Variants in ST3GAL3 observed in about 807,000 individuals in gnomAD.
The protein encoded by ST3GAL3 is ST3 beta-galactoside alpha-2,3-sialyltransferase 3, also known as CMP-N-acetylneuraminate-beta-1,4-galactoside alpha-2,3-sialyltransferase.
Under a neutral mutation model 50.1 loss-of-function variants are expected in ST3GAL3, and 21 were observed. That is an observed-to-expected ratio of 0.42 (90% CI 0.30 to 0.60). The LOEUF is 0.60. Among genes scored for constraint, ST3GAL3 ranks in the 20% least tolerant of loss-of-function variants. ST3GAL3 has a pLI of 0.19. For missense variants in ST3GAL3, 353 were observed against 489.4 expected (o/e 0.72, Z 2.63); for synonymous variants, 183 against 190.0 (o/e 0.96, Z 0.30).
At chr1:43,857,547 C>T (rs2068717876) in intron 5 of ST3GAL3, among the ~76,000 whole-genome samples, 1 of 131,612 alleles carries the variant, frequency 7.6e-6, no homozygotes, top group Non-Finnish European at 1.7e-5. Context: ...CCCTCCCTCC[C>T]TTCCTTCCTT....
At chr1:43,848,132 T>C (rs1415721584) in intron 5 of ST3GAL3, among the ~76,000 whole-genome samples, 4 of 152,276 alleles carry the variant, frequency 2.6e-5, no homozygotes, top group Non-Finnish European at 5.9e-5. Context: ...CTTAAATATG[T>C]AACTCTATTT....
At chr1:43,734,678 T>A (rs1677591421) in intron 1 of ST3GAL3, among the ~76,000 whole-genome samples, 1 of 152,182 alleles carries the variant, frequency 6.6e-6, no homozygotes, top group Admixed American at 6.6e-5. Context: ...TGTAAATTAA[T>A]CTTATAATCA....
At chr1:43,888,996 T>G (rs1020189460) in intron 5 of ST3GAL3, among the ~76,000 whole-genome samples, 1 of 152,180 alleles carries the variant, frequency 6.6e-6, no homozygotes, top group Non-Finnish European at 1.5e-5. Flanking sequence ...TAACCACTAC[T>G]AGTAGCACCT....
At chr1:43,924,655 A>C (rs2083595565) in intron 11 of ST3GAL3, among the ~76,000 whole-genome samples, 1 of 152,028 alleles carries the variant, frequency 6.6e-6, no homozygotes. Context: ...AGAGATGGTA[A>C]CTCCTGAACC....
chr1:43,770,591 C>T (rs1245730800), intron 2 of ST3GAL3, among the ~76,000 whole-genome samples: 1 of 151,906 alleles, frequency 6.6e-6, no homozygotes, highest in African/African-American at 2.4e-5. Context: ...GATGGAGTCT[C>T]AGTATATTGC....
intron 2 of ST3GAL3, chr1:43,736,921 C>T (rs144313023): frequency 9.1e-5 from 20 of 220,160 alleles, no homozygotes; most frequent in African/African-American, 4.5e-4. Context: ...CCCAGTAACT[C>T]CTAATTTTTT....
chr1:43,732,673 C>G (rs760261409), intron 1 of ST3GAL3, among the ~76,000 whole-genome samples: 3 of 152,110 alleles, frequency 2.0e-5, no homozygotes, highest in Non-Finnish European at 4.4e-5. Context: ...GGAGACTTAC[C>G]ATAATTTAAT....
intron 1 of ST3GAL3, among the ~76,000 whole-genome samples, chr1:43,725,378 T>G (rs1672454678): frequency 6.6e-6 from 1 of 152,044 alleles, no homozygotes. Flanking sequence ...TAATTTTGTA[T>G]TTTTAGTGGA....
chr1:43,827,201 C>T (rs1573757691), intron 4 of ST3GAL3, among the ~76,000 whole-genome samples: 1 of 152,114 alleles, frequency 6.6e-6, no homozygotes, highest in South Asian at 2.1e-4. Context: ...TTGGCAAAAA[C>T]ATTCTGGAAC....
intron 1 of ST3GAL3, among the ~76,000 whole-genome samples, chr1:43,714,789 C>T (rs182323230): frequency 6.6e-6 from 1 of 152,272 alleles, no homozygotes; most frequent in Admixed American, 6.5e-5. Context: ...TGAAATTTTG[C>T]TCCTCCTCAG....
intron 9 of ST3GAL3, among the ~76,000 whole-genome samples, chr1:43,917,661 AAT>A: frequency 1.9e-5 from 1 of 53,410 alleles, no homozygotes; most frequent in South Asian, 4.3e-4. Context: ...TATAATATAT[AAT>A]ATATATTATA....
At chr1:43,865,441 A>C (rs1223477479) in intron 5 of ST3GAL3, among the ~76,000 whole-genome samples, 1 of 152,146 alleles carries the variant, frequency 6.6e-6, no homozygotes, top group African/African-American at 2.4e-5. Flanking sequence ...AAACTTCTCA[A>C]CTTGAAACCT....
chr1:43,786,353 T>G (rs1381556070), intron 2 of ST3GAL3, among the ~76,000 whole-genome samples: 5 of 152,196 alleles, frequency 3.3e-5, no homozygotes, highest in Admixed American at 2.0e-4. Flanking sequence ...CTCTCTGACC[T>G]CGTTTTCCCA....
At chr1:43,826,902 T>C (rs899873526) in intron 4 of ST3GAL3, among the ~76,000 whole-genome samples, 1 of 152,212 alleles carries the variant, frequency 6.6e-6, no homozygotes, top group Non-Finnish European at 1.5e-5. Flanking sequence ...TACCTATTCA[T>C]GATTTTTAAA....
intron 4 of ST3GAL3, among the ~76,000 whole-genome samples, chr1:43,837,439 C>G (rs552854555): frequency 1.7e-4 from 26 of 152,204 alleles, no homozygotes; most frequent in Non-Finnish European, 2.2e-4. Flanking sequence ...GGTCACTGTT[C>G]GGGACAGTTC....
chr1:43,857,578 TCCTC>T (rs759847727), intron 5 of ST3GAL3, among the ~76,000 whole-genome samples: 1,695 of 91,000 alleles, frequency 0.019, 141 homozygotes, highest in African/African-American at 0.052. Flanking sequence ...TTTCTTTCCT[TCCTC>T]CCTCCCTTCC....
intron 9 of ST3GAL3, among the ~76,000 whole-genome samples, chr1:43,900,302 T>C (rs1470461615): frequency 6.6e-6 from 1 of 152,216 alleles, no homozygotes; most frequent in African/African-American, 2.4e-5. Flanking sequence ...CACTGACTTA[T>C]AGTTGAATTC....
chr1:43,878,187 T>C (rs1177975807), intron 5 of ST3GAL3, among the ~76,000 whole-genome samples: 1 of 152,172 alleles, frequency 6.6e-6, no homozygotes, highest in Non-Finnish European at 1.5e-5. Context: ...TCACATTGCC[T>C]TTTCGTCTGT....
chr1:43,836,665 T>C (rs1573944989), intron 4 of ST3GAL3, among the ~76,000 whole-genome samples: 1 of 151,892 alleles, frequency 6.6e-6, no homozygotes, highest in East Asian at 1.9e-4. Flanking sequence ...AGGGTGGGGG[T>C]GGAGGAGGTG....
Sources: allele counts gnomAD v4.1 joint callset (sites outside exome capture counted in the v4.1 genomes callset), GRCh38; gene constraint gnomAD v4.1.1; transcripts MANE v1.5; gene names NCBI Gene and HGNC (gene_info 2026-07-23, HGNC 2026-07-21).